Variants in ATP2C2 observed in about 807,000 individuals in gnomAD.
The protein encoded by ATP2C2 is calcium-transporting ATPase type 2C member 2.
ATP2C2 carries 171 observed loss-of-function variants against 110.8 expected under a neutral mutation model. That is an observed-to-expected ratio of 1.54 (90% CI 1.36 to 1.75). ATP2C2 has a LOEUF of 1.75. ATP2C2 is among the 40% of genes most tolerant of loss of function. The pLI is 0.00. For missense variants in ATP2C2, 1,963 were observed against 1,235.0 expected (o/e 1.59, Z -8.84); for synonymous variants, 804 against 508.4 (o/e 1.58, Z -7.82).
At chr16:84,450,007 G>A (rs1244998973) in intron 17 of ATP2C2, among the ~76,000 whole-genome samples, 1 of 152,254 alleles carries the variant, frequency 6.6e-6, no homozygotes, top group Non-Finnish European at 1.5e-5. Flanking sequence ...ACACAGCCCT[G>A]CCTAGTGCAG....
chr16:84,452,417 T>C (rs1910370171), intron 18 of ATP2C2, among the ~76,000 whole-genome samples: 1 of 151,966 alleles, frequency 6.6e-6, no homozygotes, highest in Non-Finnish European at 1.5e-5. Flanking sequence ...TCTAGCTGTG[T>C]ACCCTTGGCA....
At chr16:84,370,240 T>A (rs561107084) in intron 1 of ATP2C2, among the ~76,000 whole-genome samples, 51 of 152,232 alleles carry the variant, frequency 3.4e-4, no homozygotes, top group Non-Finnish European at 7.2e-4. Context: ...TTCTCAGAGG[T>A]CTGACAGGTG....
chr16:84,459,541 T>G (rs752127210), intron 23 of ATP2C2, 155 bp downstream of exon 23: 2 of 1,540,750 alleles, frequency 1.3e-6, no homozygotes, highest in African/African-American at 1.4e-5. Flanking sequence ...TGCACTGCAG[T>G]GAGACTGGGA....
Position 84,463,817 on chromosome 16 carries a change from CT to C in ATP2C2, c.*89del. The C allele has an allele frequency of 8.3e-7, 1 of 1,210,910 alleles. No homozygotes were observed. The highest frequency in any genetic ancestry group is 1.3e-5 in the South Asian group (1 of 79,408). The allele number at this position is 1,210,910 out of a possible 1,614,324, so 75.0% of individuals were successfully genotyped here. A position where few individuals can be genotyped will look rare whatever the true frequency, so the allele number is the denominator to read the frequency against. The stretch of plus-strand genomic sequence containing the variant: ...TGCCGTGTCTCCTCGTCAGGGGAGA[CT>C]TTTAGGAGGCCGCAGCCTTCCATCA... On this transcript the variant is annotated 3_prime_UTR_variant, in exon 27 of 27. Coordinates refer to ENST00000262429, the MANE Select transcript of ATP2C2 (RefSeq NM_014861.4).
intron 5 of ATP2C2, 30 bp from the exon 6 acceptor site, chr16:84,410,674 A>G: frequency 1.9e-6 from 3 of 1,613,944 alleles, no homozygotes; most frequent in Non-Finnish European, 2.5e-6. Context: ...CCCCACCTTT[A>G]AACAGCACAT....
chr16:84,373,222 G>A (rs1910058893), intron 1 of ATP2C2, among the ~76,000 whole-genome samples: 1 of 151,976 alleles, frequency 6.6e-6, no homozygotes, highest in South Asian at 2.1e-4. Context: ...CAATCAGGCT[G>A]GGCATGGTGG....
At chr16:84,428,493 C>T (rs763112420) in intron 11 of ATP2C2, among the ~76,000 whole-genome samples, 1 of 152,150 alleles carries the variant, frequency 6.6e-6, no homozygotes, top group Non-Finnish European at 1.5e-5. Flanking sequence ...GATACTTTGT[C>T]ACTCAGTGTA....
chr16:84,439,420 G>T lies in ATP2C2; in HGVS notation c.1112-7G>T, dbSNP rs1414955643. 1.9e-6 allele frequency: 3 copies of T among 1,613,932 alleles called. No homozygotes were observed. Among genetic ancestry groups the T allele is most frequent in the Non-Finnish European group, 2.5e-6 (3 of 1,179,972 alleles). On this transcript the variant is annotated splice_region_variant and splice_polypyrimidine_tract_variant and intron_variant, in intron 12 of 26. Transcript: ENST00000262429. ...TCTCTTCTATAAACTGGTGTTTGTT[G>T]TACCAGGTTGCTGCAGCGTTCTCTG...
chr16:84,448,826 T>C, intron 17 of ATP2C2, 137 bp downstream of exon 17: 1 of 1,209,342 alleles, frequency 8.3e-7, no homozygotes. Context: ...CAATAATGTG[T>C]GCTTGGAACC....
chr16:84,408,121 G>A (rs185689789), intron 3 of ATP2C2, among the ~76,000 whole-genome samples: 54 of 152,314 alleles, frequency 3.5e-4, no homozygotes, highest in South Asian at 1.2e-3. Context: ...GGCCTGGAGC[G>A]TCATGGAGAT....
chr16:84,425,844 A>G lies in ATP2C2; in HGVS notation c.986+43A>G, dbSNP rs117115789. 4,566 of 1,599,836 alleles carry G rather than the reference A, an allele frequency of 2.9e-3. 24 individuals carry two copies. The highest frequency in any genetic ancestry group is 0.022 in the Middle Eastern group (133 of 6,004). On this transcript the variant is annotated intron_variant, in intron 11 of 26. Coordinates refer to ENST00000262429, the MANE Select transcript of ATP2C2 (RefSeq NM_014861.4). ...GCCCCTTGCCTTGCCAGGGTGGTCA[A>G]TGGGCTCTGAGCCCTTCCCTGCCGC...
In ATP2C2 at chr16:84,439,220, G is replaced by A. The variant is rs758446158; in HGVS notation, c.1041G>A (p.Leu347=). 17 of 1,612,184 alleles carry A rather than the reference G, an allele frequency of 1.1e-5. No individual in the cohort carries two copies. The highest frequency in any genetic ancestry group is 1.4e-5 in the Non-Finnish European group (16 of 1,180,048). ...EGLPIVVMVT[L]VLGVLRMAKK... The stretch of plus-strand genomic sequence containing the variant: ...TGCCCATCGTCGTCATGGTGACGCT[G>A]GTCCTGGGAGTGCTGCGGATGGCCA... The change falls in exon 12 of 27, where the codon CTG becomes CTA. Residue 347 remains leucine, a synonymous_variant. Transcript: ENST00000262429.
At chr16:84,424,576 C>T (rs1220755101) in intron 10 of ATP2C2, among the ~76,000 whole-genome samples, 34 of 114,864 alleles carry the variant, frequency 3.0e-4, no homozygotes, top group African/African-American at 7.6e-4. Flanking sequence ...CCGCACTGGG[C>T]TTTTTTTTTT....
At position 84,459,528 on chromosome 16, in the gene ATP2C2, T is replaced by C. The variant is rs760441884; in HGVS notation, c.2333+142T>C. The C allele has an allele frequency of 4.4e-5, 69 of 1,551,570 alleles. 1 individual carries two copies. The Middle Eastern group carries it at 5.0e-4, about 11-fold the overall frequency. ...CAGGAGTTCCCAGAAAACTGAAGTG[T>C]GTTGCACTGCAGTGAGACTGGGAGT... On this transcript the variant is annotated intron_variant, in intron 23 of 26. Coordinates refer to ENST00000262429, the MANE Select transcript of ATP2C2 (RefSeq NM_014861.4).
chr16:84,383,257 G>C (rs1266093788), intron 1 of ATP2C2, among the ~76,000 whole-genome samples: 1 of 152,240 alleles, frequency 6.6e-6, no homozygotes, highest in African/African-American at 2.4e-5. Flanking sequence ...GAGGCAGACA[G>C]GTGGGCTGGC....
intron 21 of ATP2C2, among the ~76,000 whole-genome samples, chr16:84,455,400 C>A (rs77579585): frequency 6.6e-6 from 1 of 152,056 alleles, no homozygotes; most frequent in Non-Finnish European, 1.5e-5. Context: ...GAACATCTTC[C>A]GTTTGAGGCC....
intron 6 of ATP2C2, among the ~76,000 whole-genome samples, chr16:84,411,582 C>T (rs568479580): frequency 6.4e-4 from 98 of 152,244 alleles, no homozygotes; most frequent in Middle Eastern, 6.8e-3. Flanking sequence ...GCTGGGACTA[C>T]AGGCATGCAC....
chr16:84,416,305 A>G (rs921544237), intron 7 of ATP2C2, among the ~76,000 whole-genome samples: 3 of 152,226 alleles, frequency 2.0e-5, no homozygotes, highest in Non-Finnish European at 4.4e-5. Flanking sequence ...GGTTACATCA[A>G]GTTCACCATG....
In ATP2C2 at chr16:84,459,312, C is replaced by T; in HGVS notation, c.2259C>T (p.Phe753=). The T allele has an allele frequency of 6.2e-7, 1 of 1,614,190 alleles. No homozygotes were observed. The part of the protein sequence containing the change: ...ALSLITLSTV[F]NLPSPLNAMQ... Reference sequence around the variant, plus strand: ...GTCTCATCACTCTGTCCACCGTGTTCAACCTGCCCAGCCCCCTCAACGCCA... The same window carrying T: ...GTCTCATCACTCTGTCCACCGTGTTTAACCTGCCCAGCCCCCTCAACGCCA... The change falls in exon 23 of 27, where the codon TTC becomes TTT. Residue 753 remains phenylalanine, a synonymous_variant. Transcript: ENST00000262429.
Sources: allele counts gnomAD v4.1 joint callset (sites outside exome capture counted in the v4.1 genomes callset), GRCh38; gene constraint gnomAD v4.1.1; transcripts MANE v1.5; gene names NCBI Gene and HGNC (gene_info 2026-07-23, HGNC 2026-07-21).